Variants in VAT1L observed in about 807,000 individuals in gnomAD.
The protein encoded by VAT1L is putative NADPH-dependent quinone oxidoreductase VAT1L.
Under a neutral mutation model 44.1 loss-of-function variants are expected in VAT1L, and 34 were observed. The observed-to-expected ratio is 0.77, with a 90% CI of 0.59 to 1.03. VAT1L has a LOEUF of 1.03. Among genes scored for constraint, VAT1L ranks in the 50% least tolerant of loss-of-function variants. The probability of loss-of-function intolerance (pLI) is 0.00; values close to 1 mark genes in which losing one functional copy is unlikely to be tolerated. For synonymous variants in VAT1L, 253 were observed against 202.2 expected (o/e 1.25, Z -2.13); for missense variants, 615 against 538.8 (o/e 1.14, Z -1.40).
intron 8 of VAT1L, among the ~76,000 whole-genome samples, chr16:77,975,518 AGT>A (rs2018329468): frequency 6.6e-6 from 1 of 151,608 alleles, no homozygotes; most frequent in Admixed American, 6.6e-5. Context: ...GGCCATGACC[AGT>A]CTCAGCCCTC....
intron 3 of VAT1L, among the ~76,000 whole-genome samples, chr16:77,854,637 A>G (rs1204912139): frequency 3.3e-5 from 5 of 152,208 alleles, no homozygotes; most frequent in Non-Finnish European, 7.3e-5. Context: ...AAGTACCTCT[A>G]TGCGTCGATG....
intron 8 of VAT1L, among the ~76,000 whole-genome samples, chr16:77,973,583 C>T (rs1351170965): frequency 6.7e-6 from 1 of 149,522 alleles, no homozygotes; most frequent in Non-Finnish European, 1.5e-5. Context: ...ATGCCTGGCC[C>T]CCAGGTTATC....
chr16:77,973,477 G>A (rs1248158986), intron 8 of VAT1L, among the ~76,000 whole-genome samples: 1 of 151,912 alleles, frequency 6.6e-6, no homozygotes, highest in Non-Finnish European at 1.5e-5. Context: ...TAGAGATGGG[G>A]TTTTACCATG....
At chr16:77,899,304 C>T (rs1036956079) in intron 7 of VAT1L, among the ~76,000 whole-genome samples, 21 of 152,304 alleles carry the variant, frequency 1.4e-4, no homozygotes, top group Middle Eastern at 3.4e-3. Flanking sequence ...CCTCCAGGAG[C>T]GGCGATGACT....
intron 7 of VAT1L, among the ~76,000 whole-genome samples, chr16:77,890,946 C>A (rs149811544): frequency 8.9e-4 from 131 of 147,566 alleles, no homozygotes; most frequent in African/African-American, 2.9e-3. Context: ...AAGACATTAT[C>A]TTTACTATTT....
chr16:77,874,652 C>G (rs2142451970), intron 4 of VAT1L, among the ~76,000 whole-genome samples: 1 of 152,126 alleles, frequency 6.6e-6, no homozygotes, highest in East Asian at 1.9e-4. Flanking sequence ...TGGGAAAATT[C>G]TCCATTTACA....
intron 7 of VAT1L, among the ~76,000 whole-genome samples, chr16:77,953,682 A>T (rs2018070614): frequency 6.6e-6 from 1 of 152,040 alleles, no homozygotes; most frequent in African/African-American, 2.4e-5. Context: ...GTGCCACCAC[A>T]TCCAACTGTC....
chr16:77,822,094 C>G (rs2016461941), intron 2 of VAT1L, among the ~76,000 whole-genome samples: 1 of 152,102 alleles, frequency 6.6e-6, no homozygotes, highest in Admixed American at 6.6e-5. Context: ...GAGCTCCCAC[C>G]CACTGCTGCC....
chr16:77,901,503 C>A (rs1445954373), intron 7 of VAT1L, among the ~76,000 whole-genome samples: 1 of 152,036 alleles, frequency 6.6e-6, no homozygotes, highest in Non-Finnish European at 1.5e-5. Flanking sequence ...GCATTTTTTG[C>A]TGCTTTTCCT....
At chr16:77,928,430 G>T (rs1028648475) in intron 7 of VAT1L, among the ~76,000 whole-genome samples, 1 of 152,284 alleles carries the variant, frequency 6.6e-6, no homozygotes, top group East Asian at 1.9e-4. Context: ...GAGGGAGATG[G>T]TCACTCATCT....
At chr16:77,940,951 T>C (rs2017875307) in intron 7 of VAT1L, among the ~76,000 whole-genome samples, 1 of 152,152 alleles carries the variant, frequency 6.6e-6, no homozygotes, top group African/African-American at 2.4e-5. Flanking sequence ...CCCTCTCCCT[T>C]TTCAACAAAG....
rs188450687 is a variant in VAT1L, at chr16:77,858,906, C to T, written c.580-3842C>T. 2.8e-3 allele frequency among the ~76,000 whole-genome samples: 423 copies of T among 152,076 alleles called. 1 individual carries two copies. The highest frequency in any genetic ancestry group is 9.8e-3 in the African/African-American group (405 of 41,494). On this transcript the variant is annotated intron_variant, in intron 3 of 8. Transcript: ENST00000302536. ...ATCCCAGCACTTTGGGAGGCCGAGG[C>T]GGGCGGGTCACCTGAGGTCAGGAGT...
At chr16:77,896,927 T>C (rs541970794) in intron 7 of VAT1L, among the ~76,000 whole-genome samples, 31 of 152,336 alleles carry the variant, frequency 2.0e-4, no homozygotes, top group Admixed American at 1.2e-3. Flanking sequence ...CTTGGCTGTG[T>C]TTTAAAAGAC....
At chr16:77,934,874 G>C (rs1001439796) in intron 7 of VAT1L, among the ~76,000 whole-genome samples, 5 of 152,164 alleles carry the variant, frequency 3.3e-5, no homozygotes, top group African/African-American at 1.2e-4. Flanking sequence ...GGATGAGTAA[G>C]ATGCAGGGCC....
chr16:77,958,214 G>T (rs2018124425), intron 7 of VAT1L, among the ~76,000 whole-genome samples: 1 of 152,048 alleles, frequency 6.6e-6, no homozygotes, highest in African/African-American at 2.4e-5. Flanking sequence ...GCCTTCTTGG[G>T]TTATTTATAT....
intron 3 of VAT1L, among the ~76,000 whole-genome samples, chr16:77,848,200 C>T (rs186596801): frequency 1.3e-5 from 2 of 152,278 alleles, no homozygotes; most frequent in East Asian, 3.9e-4. Context: ...GACCTTCTAA[C>T]AATCAGAGGT....
At chr16:77,839,786 T>A (rs934791491) in intron 3 of VAT1L, among the ~76,000 whole-genome samples, 1 of 152,124 alleles carries the variant, frequency 6.6e-6, no homozygotes, top group East Asian at 1.9e-4. Flanking sequence ...CAGAACCTGA[T>A]GCTCAGCAGT....
At chr16:77,900,686 CTG>C (rs78579365) in intron 7 of VAT1L, among the ~76,000 whole-genome samples, 14,274 of 147,536 alleles carry the variant, frequency 0.097, 807 homozygotes, top group Non-Finnish European at 0.14. Flanking sequence ...CAGAGTGAGA[CTG>C]TGTCTTGAAA....
intron 7 of VAT1L, chr16:77,892,340 A>G: frequency 3.2e-6 from 1 of 310,270 alleles, no homozygotes; most frequent in Non-Finnish European, 6.3e-6. Flanking sequence ...TTAAAGATTT[A>G]GGAGCTCCTT....
Sources: allele counts gnomAD v4.1 joint callset (sites outside exome capture counted in the v4.1 genomes callset), GRCh38; gene constraint gnomAD v4.1.1; transcripts MANE v1.5; gene names NCBI Gene and HGNC (gene_info 2026-07-23, HGNC 2026-07-21).